The following CENPC variants were observed in gnomAD, a reference collection of about 807,000 sequenced individuals.
CENPC encodes the protein CENP-C 1.
In CENPC, 63 loss-of-function variants were observed where a neutral mutation model predicts 112.1. The observed-to-expected ratio is 0.56, with a 90% CI of 0.46 to 0.69. CENPC has a LOEUF of 0.69. Ranked by LOEUF, CENPC falls within the 30% of genes least tolerant of loss-of-function variation. The pLI, the probability that CENPC is intolerant of heterozygous loss-of-function variation, is 0.00. For missense variants in CENPC, 1,000 were observed against 1,103.8 expected, an observed-to-expected ratio of 0.91 and a Z score of 1.33; for synonymous variants, 333 against 367.6, an observed-to-expected ratio of 0.91 and a Z score of 1.08.
At chr4:67,522,246 T>C (rs1726249241) in intron 5 of CENPC, among the ~76,000 whole-genome samples, 1 of 152,332 alleles carries the variant, frequency 6.6e-6, no homozygotes, top group Admixed American at 6.5e-5. Context: ...TGGGAATTCG[T>C]TGTTTCAGTT....
In CENPC at chr4:67,536,276, T is replaced by TA. The variant is rs372332803; in HGVS notation, c.231+3563dup. Reference sequence around the variant, plus strand: ...AATGTCAAAACTGGCAAAAGAAATATAAAAAATGCAATAGATCATTGAATA... The same window carrying TA: ...AATGTCAAAACTGGCAAAAGAAATATAAAAAAATGCAATAGATCATTGAATA... On this transcript the variant is annotated intron_variant, in intron 4 of 18. Transcript: ENST00000273853. Among the ~76,000 whole-genome samples the TA allele has an allele frequency of 6.8e-3, 1,028 of 152,076 alleles. 14 individuals carry two copies. The highest frequency in any genetic ancestry group is 0.023 in the African/African-American group (968 of 41,484).
At chr4:67,487,060 C>T (rs931502855) in intron 17 of CENPC, among the ~76,000 whole-genome samples, 4 of 146,672 alleles carry the variant, frequency 2.7e-5, no homozygotes, top group Admixed American at 7.1e-5. Context: ...GCACATAATG[C>T]TTGGTTGTAT....
intron 9 of CENPC, chr4:67,510,981 G>A (rs1406512164): frequency 2.2e-6 from 1 of 455,948 alleles, no homozygotes; most frequent in South Asian, 1.6e-5. Context: ...TTACCCATCT[G>A]TTTATGTATT....
At chr4:67,531,555 G>T (rs574984161) in intron 4 of CENPC, among the ~76,000 whole-genome samples, 2 of 152,190 alleles carry the variant, frequency 1.3e-5, no homozygotes, top group African/African-American at 2.4e-5. Context: ...GTGATCTGTG[G>T]TGAACATCTG....
At chr4:67,539,354 T>A (rs566062039) in intron 4 of CENPC, among the ~76,000 whole-genome samples, 41 of 152,236 alleles carry the variant, frequency 2.7e-4, no homozygotes, top group Non-Finnish European at 5.0e-4. Flanking sequence ...TGCTTTTGAA[T>A]AATTTGCCTT....
At chr4:67,524,685 G>A (rs749091350) in intron 5 of CENPC, among the ~76,000 whole-genome samples, 5 of 152,020 alleles carry the variant, frequency 3.3e-5, no homozygotes, top group Non-Finnish European at 5.9e-5. Context: ...AATGAGAGAG[G>A]ACACAAAGAG....
At chr4:67,473,221 G>A (rs145065382) in intron 18 of CENPC, among the ~76,000 whole-genome samples, 360 of 152,040 alleles carry the variant, frequency 2.4e-3, no homozygotes, top group African/African-American at 8.4e-3. Flanking sequence ...ATGAGCCACC[G>A]CGCCCGGCCA....
intron 12 of CENPC, among the ~76,000 whole-genome samples, chr4:67,503,899 G>T (rs1256747211): frequency 6.6e-6 from 1 of 151,836 alleles, no homozygotes. Context: ...CAACTTCTTA[G>T]AATAACAGCA....
At chr4:67,540,510 A>C (rs1726857707) in intron 3 of CENPC, among the ~76,000 whole-genome samples, 1 of 152,140 alleles carries the variant, frequency 6.6e-6, no homozygotes, top group Middle Eastern at 3.2e-3. Flanking sequence ...CTCTACTAAA[A>C]AATACAAAAA....
chr4:67,491,446 C>CAT (rs58687245), intron 16 of CENPC, among the ~76,000 whole-genome samples: 496 of 36,546 alleles, frequency 0.014, 30 homozygotes, highest in East Asian at 0.03. Context: ...TTAAATATTT[C>CAT]ATATATATAT....
At chr4:67,477,508 G>A (rs774475935) in intron 17 of CENPC, among the ~76,000 whole-genome samples, 17 of 152,146 alleles carry the variant, frequency 1.1e-4, no homozygotes, top group South Asian at 2.1e-4. Context: ...AAGGAGGAGA[G>A]CACCACATCA....
At chr4:67,491,480 TAGAGAGAG>T (rs71219046) in intron 16 of CENPC, among the ~76,000 whole-genome samples, 208 of 18,038 alleles carry the variant, frequency 0.012, 2 homozygotes, top group African/African-American at 0.017. Context: ...TATATATATA[TAGAGAGAG>T]AGAGAGAGAG....
Position 67,471,798 on chromosome 4 carries a change from T to C in CENPC, c.*807A>G, listed in dbSNP as rs1242792058. 2 of 152,270 alleles carry C rather than the reference T, an allele frequency of 1.3e-5. No individual in the cohort carries two copies. The highest frequency in any genetic ancestry group is 4.8e-5 in the African/African-American group (2 of 41,456). 9.4% of individuals were successfully genotyped at this position (152,270 alleles called of 1,614,324 possible). A position where few individuals can be genotyped will look rare whatever the true frequency, so the allele number is the denominator to read the frequency against. On this transcript the variant is annotated 3_prime_UTR_variant, in exon 19 of 19. Transcript: ENST00000273853. ...TTGATTAGAATTTTTAGCTTAGATGTATTGATTGATATTAAAAAGGGAAAG... is the reference window on the plus strand; with the variant it reads ...TTGATTAGAATTTTTAGCTTAGATGCATTGATTGATATTAAAAAGGGAAAG...
chr4:67,513,334 T>A (rs1170780397), intron 8 of CENPC, among the ~76,000 whole-genome samples: 1 of 152,282 alleles, frequency 6.6e-6, no homozygotes, highest in East Asian at 1.9e-4. Context: ...ATGACAGCAA[T>A]AGAAAATTAA....
At chr4:67,478,743 T>C (rs1724875700) in intron 17 of CENPC, among the ~76,000 whole-genome samples, 1 of 151,640 alleles carries the variant, frequency 6.6e-6, no homozygotes, top group African/African-American at 2.4e-5. Flanking sequence ...TGAATATAAA[T>C]GACTTCAATG....
At chr4:67,494,138 G>T in intron 13 of CENPC, 150 bp from the exon 14 acceptor site, 1 of 532,042 alleles carries the variant, frequency 1.9e-6, no homozygotes, top group South Asian at 3.1e-5. Context: ...AAATATTTAT[G>T]CTAACAATTA....
intron 5 of CENPC, among the ~76,000 whole-genome samples, chr4:67,528,326 T>A (rs947403549): frequency 2.0e-5 from 3 of 152,160 alleles, no homozygotes; most frequent in Non-Finnish European, 4.4e-5. Flanking sequence ...TTTTTTATGA[T>A]AAAACATGAA....
chr4:67,492,027 A>T (rs1725296959), intron 16 of CENPC, among the ~76,000 whole-genome samples, 153 bp downstream of exon 16: 1 of 152,150 alleles, frequency 6.6e-6, no homozygotes, highest in South Asian at 2.1e-4. Flanking sequence ...AGTTGTCTTC[A>T]CATAGGTTGC....
At position 67,518,301 on chromosome 4, in the gene CENPC, C is replaced by G. The variant is rs1349920821; in HGVS notation, c.685G>C (p.Asp229His). The change falls in exon 7 of 19, where the codon GAT becomes CAT. Residue 229 changes from aspartate (D) to histidine (H), a missense_variant. Asp to His is a moderately conservative substitution (Grantham distance 81). Coordinates refer to ENST00000273853, the MANE Select transcript of CENPC (RefSeq NM_001812.4). ...EIDNKVSDEE[D>H]KTSEGQERKP... ...CTTTCTTGTCCTTCCGATGTTTTAT[C>G]CTCTTCATCTGATACTTTATTATCT... 1 of 1,551,012 alleles carries G rather than the reference C, an allele frequency of 6.4e-7. No individual in the cohort carries two copies. Among genetic ancestry groups the G allele is most frequent in the Non-Finnish European group, 8.7e-7 (1 of 1,147,844 alleles).
Sources: allele counts gnomAD v4.1 joint callset (sites outside exome capture counted in the v4.1 genomes callset), GRCh38; gene constraint gnomAD v4.1.1; transcripts MANE v1.5; gene names NCBI Gene and HGNC (gene_info 2026-07-23, HGNC 2026-07-21).